The following TEP1 variants were observed in gnomAD, a reference collection of about 807,000 sequenced individuals.
TEP1 encodes the protein telomerase associated protein 1.
Under a neutral mutation model 306.3 loss-of-function variants are expected in TEP1, and 241 were observed. The ratio of observed to expected loss-of-function variants is 0.79; its 90% CI spans 0.71 to 0.88. TEP1 has a LOEUF of 0.88. TEP1 is among the 40% of genes least tolerant of loss of function. TEP1 has a pLI of 0.00. For missense variants in TEP1, 3,051 were observed against 3,276.1 expected (o/e 0.93, Z 1.68); for synonymous variants, 1,289 against 1,305.5 (o/e 0.99, Z 0.27).
At position 20,375,737 on chromosome 14, in the gene TEP1, C is replaced by A. The variant is rs750822620; in HGVS notation, c.6363+18G>T. ...GGAACCCAGCTGGGCTCTGTGCCAC[C>A]CCTGGCCCTTTACTCACCAGTAGGT... On this transcript the variant is annotated intron_variant, in intron 43 of 54. Coordinates refer to ENST00000262715, the MANE Select transcript of TEP1 (RefSeq NM_007110.5). 16 of 1,584,832 alleles carry A rather than the reference C, an allele frequency of 1.0e-5. No homozygotes were observed. In the South Asian group the frequency reaches 1.8e-4, roughly 18 times the overall value.
chr14:20,370,725 T>C (rs909430310), intron 51 of TEP1, among the ~76,000 whole-genome samples: 2 of 152,212 alleles, frequency 1.3e-5, no homozygotes, highest in African/African-American at 4.8e-5. Flanking sequence ...GGGTCAAGCA[T>C]AGGCTTTAGT....
intron 7 of TEP1, among the ~76,000 whole-genome samples, chr14:20,402,552 CT>C (rs759595173): frequency 2.6e-5 from 4 of 152,088 alleles, no homozygotes; most frequent in Non-Finnish European, 4.4e-5. Context: ...AATATAGTAA[CT>C]TATTTAATCT....
intron 20 of TEP1, among the ~76,000 whole-genome samples, chr14:20,385,503 GC>G (rs1197305422): frequency 6.6e-6 from 1 of 152,092 alleles, no homozygotes; most frequent in Non-Finnish European, 1.5e-5. Context: ...CTCCTGAGTA[GC>G]TGGGATTACA....
chr14:20,400,709 G>C (rs1878637874), intron 9 of TEP1: 2 of 396,488 alleles, frequency 5.0e-6, no homozygotes, highest in South Asian at 6.4e-5. Context: ...ATCGATATGA[G>C]TACAATGAGA....
chr14:20,402,734 T>C (rs986894410), intron 7 of TEP1, among the ~76,000 whole-genome samples: 1 of 152,228 alleles, frequency 6.6e-6, no homozygotes, highest in African/African-American at 2.4e-5. Context: ...AAATGCTACG[T>C]ACAATACCTT....
rs570672845 is a variant in TEP1 at position 20,410,020 on chromosome 14, C to CAAAAA, written c.-24-1562_-24-1558dup. Among the ~76,000 whole-genome samples, 4 of 58,922 alleles carry CAAAAA rather than the reference C, an allele frequency of 6.8e-5. 2 individuals carry two copies. The highest frequency in any genetic ancestry group is 6.5e-5 in the Non-Finnish European group (2 of 30,880). The allele number at this position is 58,922 out of a possible 152,430, so 38.7% of individuals were successfully genotyped here. ...TGGGCGACAGAGCAAGACTCTGTCT[C>CAAAAA]AAAAAAAAAAAAAAAAAAAAAAAAA... is the stretch of plus-strand genomic sequence containing the variant. On this transcript the variant is annotated intron_variant, in intron 1 of 54. Coordinates refer to ENST00000262715, the MANE Select transcript of TEP1 (RefSeq NM_007110.5).
intron 41 of TEP1, among the ~76,000 whole-genome samples, chr14:20,376,934 G>C (rs556568310): frequency 6.6e-6 from 1 of 152,298 alleles, no homozygotes; most frequent in South Asian, 2.1e-4. Flanking sequence ...GTGATTTGTG[G>C]GCCAGGCGCA....
chr14:20,406,476 AC>A, intron 2 of TEP1, 76 bp from the exon 3 acceptor site: 1 of 1,507,658 alleles, frequency 6.6e-7, no homozygotes. Flanking sequence ...TGAAGGCAGC[AC>A]CAGGCCACGG....
chr14:20,389,147 TAAAA>T, intron 17 of TEP1, 87 bp downstream of exon 17: 5 of 1,043,364 alleles, frequency 4.8e-6, no homozygotes, highest in Non-Finnish European at 2.8e-6. Context: ...GATTCTGTCT[TAAAA>T]AAAAAAAAAA....
chr14:20,383,361 A>G lies in TEP1; in HGVS notation c.3868-8T>C. 1.2e-6 allele frequency: 2 copies of G among 1,602,638 alleles called. No homozygotes were observed. Among genetic ancestry groups the G allele is most frequent in the Non-Finnish European group, 1.7e-6 (2 of 1,173,460 alleles). On this transcript the variant is annotated splice_region_variant and splice_polypyrimidine_tract_variant and intron_variant, in intron 26 of 54. Coordinates refer to ENST00000262715, the MANE Select transcript of TEP1 (RefSeq NM_007110.5). ...CAGCACCAGGTGTACACACTGTGAT[A>G]TTTGGGCAAAGGGGCAGGAAGGTAG...
At chr14:20,374,402 C>G (rs764445458) in intron 44 of TEP1, 27 bp downstream of exon 44, 2 of 1,555,772 alleles carry the variant, frequency 1.3e-6, no homozygotes, top group Non-Finnish European at 1.8e-6. Context: ...CAGAGACCCC[C>G]CAGTGGGATC....
rs532978860 is a variant in TEP1 at position 20,389,048 on chromosome 14, G to A, written c.2525+190C>T. Reference sequence around the variant, plus strand: ...CTGTAGTCCCAGGTACTCGGGAGGCGGAGGCAGGAGGATCGCTTGAACCCA... The same window carrying A: ...CTGTAGTCCCAGGTACTCGGGAGGCAGAGGCAGGAGGATCGCTTGAACCCA... On this transcript the variant is annotated intron_variant, in intron 17 of 54. Coordinates refer to ENST00000262715, the MANE Select transcript of TEP1 (RefSeq NM_007110.5). Among the ~76,000 whole-genome samples, 19 of 152,032 alleles carry A rather than the reference G, an allele frequency of 1.2e-4. No homozygotes were observed. In the East Asian group the frequency reaches 2.1e-3, roughly 17 times the overall value.
chr14:20,383,145 C>A, intron 27 of TEP1, 29 bp downstream of exon 27: 2 of 1,555,600 alleles, frequency 1.3e-6, no homozygotes, highest in East Asian at 2.3e-5. Flanking sequence ...TCACCCCACA[C>A]ACCCACCGGC....
intron 33 of TEP1, 76 bp downstream of exon 33, chr14:20,380,855 C>T: frequency 1.6e-6 from 2 of 1,284,658 alleles, no homozygotes; most frequent in Non-Finnish European, 2.3e-6. Context: ...CCTGCCCCAA[C>T]CCTGAGCAGG....
In TEP1 at chr14:20,365,872, GTA is replaced by G. The variant is rs1884449919; in HGVS notation, c.*2563_*2564del. 2.0e-5 allele frequency: 3 copies of G among 152,274 alleles called. No homozygotes were observed. The South Asian group carries it at 6.2e-4, about 32-fold the overall frequency. 9.4% of individuals were successfully genotyped at this position (152,274 alleles called of 1,614,324 possible). ...ATGTGGATATATGTGTAAAAATTTG[GTA>G]TATAAAAAAGATGCTTTTCTAGATG... On this transcript the variant is annotated 3_prime_UTR_variant, in exon 55 of 55. Coordinates refer to ENST00000262715, the MANE Select transcript of TEP1 (RefSeq NM_007110.5).
At chr14:20,371,701 C>T (rs1391381899) in intron 49 of TEP1, 69 bp from the exon 50 acceptor site, 1 of 1,480,260 alleles carries the variant, frequency 6.8e-7, no homozygotes, top group African/African-American at 1.4e-5. Context: ...CTCCTCAATC[C>T]CACATGAATT....
intron 17 of TEP1, among the ~76,000 whole-genome samples, chr14:20,388,363 A>T (rs1247230142): frequency 1.3e-5 from 2 of 152,174 alleles, no homozygotes; most frequent in African/African-American, 4.8e-5. Context: ...AAGCCATCCC[A>T]GTCTGGGCTT....
rs140158708 is a variant in TEP1, at chr14:20,395,611, C to A, written c.1767G>T (p.Ser589=). ...QLRNQALPFP[S]NITLMRRILT... is the part of the protein sequence containing the mutation. The stretch of plus-strand genomic sequence containing the variant: ...GTATCCGCCTCATCAGTGTTATATT[C>A]GAAGGAAAGGGCAATGCTGTATGAT... The change falls in exon 12 of 55, where the codon TCG becomes TCT. Residue 589 remains serine (S), a synonymous_variant. Coordinates refer to ENST00000262715, the MANE Select transcript of TEP1 (RefSeq NM_007110.5). The A allele has an allele frequency of 7.5e-6, 12 of 1,601,236 alleles. 1 individual carries two copies. In the South Asian group the frequency reaches 1.2e-4, roughly 16 times the overall value.
At chr14:20,407,821 A>T (rs1879301442) in intron 2 of TEP1, 52 bp downstream of exon 2, 1 of 1,435,738 alleles carries the variant, frequency 7.0e-7, no homozygotes, top group South Asian at 1.3e-5. Flanking sequence ...GCTAGAGACA[A>T]GAGCATACAA....
Sources: gnomAD v4.1 joint callset for allele counts (sites outside exome capture counted in the v4.1 genomes callset) on GRCh38, gnomAD v4.1.1 for gene constraint, MANE v1.5 for transcripts, NCBI Gene and HGNC (gene_info 2026-07-23, HGNC 2026-07-21) for gene names.